Variants in OTOGL observed in about 807,000 individuals in gnomAD.
The protein encoded by OTOGL is otogelin-like protein.
A neutral mutation model predicts 318.5 loss-of-function variants in OTOGL; 285 were observed. The observed-to-expected ratio is 0.89, with a 90% CI of 0.81 to 0.99. The LOEUF (loss-of-function observed/expected upper bound fraction) is 0.99. Ranked by LOEUF, OTOGL falls within the 50% of genes least tolerant of loss-of-function variation. OTOGL has a pLI of 0.00. For synonymous variants in OTOGL, 987 were observed against 936.5 expected, an observed-to-expected ratio of 1.05 and a Z score of -0.99; for missense variants, 2,899 against 2,845.6, an observed-to-expected ratio of 1.02 and a Z score of -0.43.
At chr12:80,186,698 C>T (rs950256402) in intron 1 of OTOGL, among the ~76,000 whole-genome samples, 2 of 152,020 alleles carry the variant, frequency 1.3e-5, no homozygotes, top group Non-Finnish European at 2.9e-5. Context: ...CTCTCCTTTC[C>T]TGTTCCTGCT....
intron 1 of OTOGL, among the ~76,000 whole-genome samples, chr12:80,142,840 T>C (rs975322296): frequency 2.6e-5 from 4 of 152,092 alleles, no homozygotes; most frequent in Non-Finnish European, 5.9e-5. Flanking sequence ...GCAGAAAGGA[T>C]GAGTCAGGGA....
Position 80,232,988 on chromosome 12 carries a change from C to T in OTOGL, c.708C>T (p.Asp236=), listed in dbSNP as rs370298976. 9.5e-4 allele frequency: 1,517 copies of T among 1,598,528 alleles called. 17 individuals carry two copies. In the South Asian group the frequency reaches 1.0e-2, roughly 11 times the overall value. ...CCTTTGGCTTTTCATTGGCTTGGGA[C>T]GGGATATCTGGGATCTACCTCAAGC... ...KTTFGFSLAW[D]GISGIYLKLS... Residue 236 remains aspartate, a synonymous_variant, in exon 9 of 59, where the codon GAC becomes GAT. Transcript: ENST00000547103.
chr12:80,365,296 G>C (rs1171534203), intron 52 of OTOGL, among the ~76,000 whole-genome samples: 1 of 152,022 alleles, frequency 6.6e-6, no homozygotes, highest in Non-Finnish European at 1.5e-5. Flanking sequence ...ATGTTCATTT[G>C]GGAGTAAAAA....
At chr12:80,127,093 G>A (rs188042858) in intron 1 of OTOGL, among the ~76,000 whole-genome samples, 117 of 152,282 alleles carry the variant, frequency 7.7e-4, no homozygotes, top group African/African-American at 2.7e-3. Flanking sequence ...TGTGATGTTA[G>A]CTGGTTATTT....
intron 16 of OTOGL, among the ~76,000 whole-genome samples, chr12:80,255,636 T>C (rs1881967966): frequency 6.6e-6 from 1 of 151,950 alleles, no homozygotes; most frequent in African/African-American, 2.4e-5. Flanking sequence ...CATAGCATTC[T>C]AAACAGATAT....
chr12:80,358,329 G>T lies in OTOGL; in HGVS notation c.6101G>T (p.Cys2034Phe). 6.3e-7 allele frequency: 1 copy of T among 1,599,620 alleles called. No individual in the cohort carries two copies. Among genetic ancestry groups the T allele is most frequent in the Non-Finnish European group, 8.6e-7 (1 of 1,168,394 alleles). The stretch of plus-strand genomic sequence containing the variant: ...GTAGATCTTAATAGCACACACTTCT[G>T]TTGTCCTCAGTATTACTGTGGTAAG... ...LTVDLNSTHFCCPQYYCVCEP... is the reference protein window; with the variant it reads ...LTVDLNSTHFFCPQYYCVCEP... Residue 2034 changes from cysteine (C) to phenylalanine (F), a missense_variant, in exon 50 of 59, where the codon TGT becomes TTT. Physicochemically the swap from Cys to Phe is radical, Grantham distance 205. This residue lies in a region of OTOGL where 2,607 missense variants were observed against 2,524.9 expected (regional missense o/e 1.03). Transcript: ENST00000547103.
chr12:80,377,962 T>C lies in OTOGL; in HGVS notation c.6976T>C (p.Ser2326Pro). ...CCRENGVRNL[S>P]VPLYCSGNGT... Reference sequence around the variant, plus strand: ...TCGTGAAAATGGAGTACGAAACTTGTCTGTGCCTCTGTATTGCTCAGGAAA... The same window carrying C: ...TCGTGAAAATGGAGTACGAAACTTGCCTGTGCCTCTGTATTGCTCAGGAAA... Residue 2326 changes from serine (S) to proline (P), a missense_variant, in exon 59 of 59, where the codon TCT becomes CCT. Transcript: ENST00000547103. The C allele has an allele frequency of 1.2e-6, 2 of 1,607,436 alleles. No homozygotes were observed. Among genetic ancestry groups the C allele is most frequent in the South Asian group, 1.1e-5 (1 of 89,848 alleles).
Position 80,370,619 on chromosome 12 carries a change from C to T in OTOGL, c.6665C>T (p.Thr2222Ile), listed in dbSNP as rs761786113. ...TGCACCACATATGAATGTGTTAAAA[C>T]TGATGAAGGAGCAATAATTCTGAAC... ...YNCTTYECVK[T>I]DEGAIILNYT... Residue 2222 changes from threonine to isoleucine, a missense_variant, in exon 56 of 59, where the codon ACT becomes ATT. Thr to Ile is a moderately conservative substitution (Grantham distance 89). Transcript: ENST00000547103. 18 of 1,588,544 alleles carry T rather than the reference C, an allele frequency of 1.1e-5. No homozygotes were observed. The highest frequency in any genetic ancestry group is 1.4e-5 in the Non-Finnish European group (16 of 1,164,970).
chr12:80,145,375 C>A (rs1408268408), intron 1 of OTOGL, among the ~76,000 whole-genome samples: 16 of 150,378 alleles, frequency 1.1e-4, no homozygotes, highest in South Asian at 2.1e-4. Context: ...TGTAGATATG[C>A]GGCGTTATTT....
rs1878512361 is a variant in OTOGL at position 80,223,150 on chromosome 12, C to T, written c.489+905C>T. On this transcript the variant is annotated intron_variant, in intron 7 of 58. Coordinates refer to ENST00000547103, the MANE Select transcript of OTOGL (RefSeq NM_001378609.3). ...ACATATGATGTTTGGTTTTCTATTC[C>T]CAAGTTACTTCACTTAGGCTAATGC... is the stretch of plus-strand genomic sequence containing the variant. Among the ~76,000 whole-genome samples the T allele has an allele frequency of 1.3e-5, 2 of 151,936 alleles. 1 individual carries two copies. Among genetic ancestry groups the T allele is most frequent in the South Asian group, 4.1e-4 (2 of 4,820 alleles).
chr12:80,170,600 A>C (rs1874142198), intron 1 of OTOGL, among the ~76,000 whole-genome samples: 1 of 151,612 alleles, frequency 6.6e-6, no homozygotes, highest in Non-Finnish European at 1.5e-5. Context: ...TGCCCGTATA[A>C]TTTTTGTATT....
At chr12:80,320,801 CAGA>C in intron 34 of OTOGL, 101 bp downstream of exon 34, 1 of 1,238,662 alleles carries the variant, frequency 8.1e-7, no homozygotes, top group Non-Finnish European at 1.1e-6. Flanking sequence ...TGCATATAAG[CAGA>C]TAGACTTTTA....
chr12:80,115,609 C>A (rs916810790), intron 1 of OTOGL, among the ~76,000 whole-genome samples: 6 of 152,220 alleles, frequency 3.9e-5, no homozygotes, highest in Non-Finnish European at 7.3e-5. Flanking sequence ...CCAGAGCCAG[C>A]AGTCAAGAAC....
chr12:80,309,966 G>A (rs1376450441), intron 29 of OTOGL, among the ~76,000 whole-genome samples: 1 of 152,152 alleles, frequency 6.6e-6, no homozygotes, highest in Non-Finnish European at 1.5e-5. Context: ...TGCAAAGAGA[G>A]GAGGGAGAAC....
At chr12:80,331,333 A>ATTTTTTTTTTTTTT (rs386377119) in intron 37 of OTOGL, among the ~76,000 whole-genome samples, 2 of 81,816 alleles carry the variant, frequency 2.4e-5, no homozygotes, top group East Asian at 4.2e-4. Context: ...AGTCATTAGA[A>ATTTTTTTTTTTTTT]TTTTTTTTTT....
At chr12:80,104,025 G>T (rs769646323) in intron 1 of OTOGL, among the ~76,000 whole-genome samples, 116 of 152,282 alleles carry the variant, frequency 7.6e-4, no homozygotes, top group South Asian at 8.3e-4. Context: ...ACCTACAGAA[G>T]TTGGGCTGAA....
intron 1 of OTOGL, among the ~76,000 whole-genome samples, chr12:80,130,016 C>T (rs1035192755): frequency 2.0e-5 from 3 of 152,100 alleles, no homozygotes; most frequent in Middle Eastern, 3.2e-3. Flanking sequence ...GCCTATTTTT[C>T]CTCTGTAATT....
intron 35 of OTOGL, 49 bp from the exon 36 acceptor site, chr12:80,328,615 TG>T: frequency 1.5e-6 from 2 of 1,362,630 alleles, no homozygotes; most frequent in Admixed American, 2.0e-5. Context: ...CTTTTTTTTT[TG>T]TATTTCAAAC....
At chr12:80,350,539 C>T (rs984831310) in intron 44 of OTOGL, among the ~76,000 whole-genome samples, 1 of 152,150 alleles carries the variant, frequency 6.6e-6, no homozygotes, top group Non-Finnish European at 1.5e-5. Flanking sequence ...CAAGGGTTAT[C>T]TTTTCCCTAC....
Sources: allele counts gnomAD v4.1 joint callset (sites outside exome capture counted in the v4.1 genomes callset), GRCh38; gene constraint gnomAD v4.1.1; regional missense constraint gnomAD v4.1.1; transcripts MANE v1.5; gene names NCBI Gene and HGNC (gene_info 2026-07-23, HGNC 2026-07-21).